The following SLC47A2 variants were observed in gnomAD, a reference collection of about 807,000 sequenced individuals.
The protein encoded by SLC47A2 is solute carrier family 47 member 2, also known as multidrug and toxin extrusion protein 2.
A neutral mutation model predicts 67.7 loss-of-function variants in SLC47A2; 52 were observed. That is an observed-to-expected ratio of 0.77 (90% confidence interval 0.61 to 0.97). The LOEUF is 0.97. Ranked by LOEUF, SLC47A2 falls within the 50% of genes least tolerant of loss-of-function variation. The pLI is 0.00. For missense variants in SLC47A2, 676 were observed against 712.3 expected, an observed-to-expected ratio of 0.95 and a Z score of 0.58; for synonymous variants, 278 against 292.9, an observed-to-expected ratio of 0.95 and a Z score of 0.52.
chr17:19,679,182 GTGA>G (rs1475872939), intron 16 of SLC47A2, among the ~76,000 whole-genome samples: 1 of 152,220 alleles, frequency 6.6e-6, no homozygotes, highest in Non-Finnish European at 1.5e-5. Flanking sequence ...GCTTGGCCCT[GTGA>G]TGATCTGTGG....
intron 13 of SLC47A2, among the ~76,000 whole-genome samples, chr17:19,698,807 C>T (rs911580336): frequency 4.6e-5 from 7 of 151,864 alleles, no homozygotes; most frequent in Non-Finnish European, 7.4e-5. Flanking sequence ...CTTCTGCATC[C>T]GTGGATGCAA....
At position 19,678,745 on chromosome 17, in the gene SLC47A2, C is replaced by T. The variant is rs1157523153; in HGVS notation, c.1642G>A (p.Ala548Thr). 3 of 1,613,760 alleles carry T rather than the reference C, an allele frequency of 1.9e-6. No individual in the cohort carries two copies. The highest frequency in any genetic ancestry group is 1.7e-5 in the Admixed American group (1 of 59,994). The change falls in exon 17 of 17, where the codon GCG becomes ACG. Residue 548 changes from alanine to threonine, a missense_variant. Coordinates refer to ENST00000433844, the MANE Select transcript of SLC47A2 (RefSeq NM_001099646.3). Reference sequence around the variant, plus strand: ...CCCACCATCAGTGTGGCTGACGCCGCCCCCAGAGCAGCCCCACGGCGGATG... The same window carrying T: ...CCCACCATCAGTGTGGCTGACGCCGTCCCCAGAGCAGCCCCACGGCGGATG... ...LVIRRGAALG[A>T]ASATLMVGLT...
At chr17:19,695,408 GC>G (rs1229130227) in intron 13 of SLC47A2, among the ~76,000 whole-genome samples, 2 of 149,008 alleles carry the variant, frequency 1.3e-5, no homozygotes, top group Non-Finnish European at 3.0e-5. Context: ...AATGGTCTGA[GC>G]CCAGGAGTTC....
At chr17:19,690,714 G>A (rs542560450) in intron 13 of SLC47A2, among the ~76,000 whole-genome samples, 23 of 152,232 alleles carry the variant, frequency 1.5e-4, no homozygotes, top group African/African-American at 4.8e-4. Flanking sequence ...ATCACTGATC[G>A]TTAGAGAAAT....
chr17:19,709,419 T>G (rs1361166445), intron 5 of SLC47A2, among the ~76,000 whole-genome samples: 1 of 152,178 alleles, frequency 6.6e-6, no homozygotes, highest in Non-Finnish European at 1.5e-5. Flanking sequence ...CATTCCTTCC[T>G]GTAGCTCTTC....
chr17:19,712,929 G>A (rs979220828), intron 4 of SLC47A2, among the ~76,000 whole-genome samples, 184 bp from the exon 5 acceptor site: 3 of 152,064 alleles, frequency 2.0e-5, no homozygotes, highest in Non-Finnish European at 2.9e-5. Flanking sequence ...AGGGGCAGCC[G>A]AAACACCCAA....
rs2085411016 is a variant in SLC47A2, at chr17:19,685,573, G to A, written c.1165-3903C>T. ...AAATGGATTAAGGGCGGTGCAAGAT[G>A]TGCTTTGTTAAACAGATGCTTGAAG... On this transcript the variant is annotated intron_variant, in intron 13 of 16. Coordinates refer to ENST00000433844, the MANE Select transcript of SLC47A2 (RefSeq NM_001099646.3). This position sits in a 1 kb window ranked among gnomAD's most constrained non-coding sequence, Gnocchi z 4.5. Among the ~76,000 whole-genome samples, 1 of 152,224 alleles carries A rather than the reference G, an allele frequency of 6.6e-6. No individual in the cohort carries two copies. Among genetic ancestry groups the A allele is most frequent in the South Asian group, 2.1e-4 (1 of 4,834 alleles).
chr17:19,696,164 G>A (rs1271441368), intron 13 of SLC47A2, among the ~76,000 whole-genome samples: 2 of 151,410 alleles, frequency 1.3e-5, no homozygotes, highest in African/African-American at 4.9e-5. Context: ...TTAAAAGAGG[G>A]AATTTGGGCC....
intron 16 of SLC47A2, among the ~76,000 whole-genome samples, 189 bp downstream of exon 16, chr17:19,679,763 T>C (rs185307000): frequency 6.6e-6 from 1 of 152,174 alleles, no homozygotes; most frequent in East Asian, 1.9e-4. Context: ...GCCTGGTACT[T>C]GCATGCCTGC....
chr17:19,715,076 G>C, intron 2 of SLC47A2, 40 bp downstream of exon 2: 1 of 1,592,876 alleles, frequency 6.3e-7, no homozygotes, highest in Non-Finnish European at 8.6e-7. Flanking sequence ...AGAAGCCTGG[G>C]GAGAGAACGT....
intron 8 of SLC47A2, 112 bp downstream of exon 8, chr17:19,707,634 C>A (rs2085976382): frequency 2.2e-6 from 2 of 905,336 alleles, no homozygotes; most frequent in Non-Finnish European, 1.7e-6. Context: ...GGGTCCTGCA[C>A]CTCCTCCAAC....
intron 3 of SLC47A2, 109 bp downstream of exon 3, chr17:19,714,612 T>C: frequency 7.6e-7 from 1 of 1,319,946 alleles, no homozygotes; most frequent in Non-Finnish European, 1.1e-6. Context: ...CAGGGCCCAT[T>C]GCTCCCAGAT....
At chr17:19,680,174 CT>C in intron 15 of SLC47A2, 135 bp from the exon 16 acceptor site, 1 of 816,206 alleles carries the variant, frequency 1.2e-6, no homozygotes, top group Non-Finnish European at 1.9e-6. Flanking sequence ...AGTCATGGGG[CT>C]TTTAGAAAGT....
In SLC47A2 at chr17:19,678,748, C is replaced by G; in HGVS notation, c.1639G>C (p.Gly547Arg). 1 of 1,614,014 alleles carries G rather than the reference C, an allele frequency of 6.2e-7. No individual in the cohort carries two copies. The highest frequency in any genetic ancestry group is 1.3e-5 in the African/African-American group (1 of 75,054). The stretch of plus-strand genomic sequence containing the variant: ...ACCATCAGTGTGGCTGACGCCGCCC[C>G]CAGAGCAGCCCCACGGCGGATGACC... ...QLVIRRGAAL[G>R]AASATLMVGL... Residue 547 changes from glycine (G) to arginine (R), a missense_variant, in exon 17 of 17, where the codon GGG becomes CGG. By Grantham distance (125) the Gly-to-Arg change is moderately radical (BLOSUM62 -2). Transcript: ENST00000433844.
In SLC47A2 at chr17:19,678,675, A is replaced by G. The variant is rs755862988; in HGVS notation, c.*11T>C. On this transcript the variant is annotated 3_prime_UTR_variant, in exon 17 of 17. Coordinates refer to ENST00000433844, the MANE Select transcript of SLC47A2 (RefSeq NM_001099646.3). ...CAGCCACTCCTGGCTTTCTATTTCCAAGCTTCTTTGCTAGTGCCTGGTGGC... is the reference window on the plus strand; with the variant it reads ...CAGCCACTCCTGGCTTTCTATTTCCGAGCTTCTTTGCTAGTGCCTGGTGGC... The G allele has an allele frequency of 1.2e-4, 186 of 1,610,822 alleles. No homozygotes were observed. Among genetic ancestry groups the G allele is most frequent in the Non-Finnish European group, 1.2e-4 (137 of 1,178,842 alleles).
intron 7 of SLC47A2, 67 bp from the exon 8 acceptor site, chr17:19,707,910 G>C: frequency 6.9e-7 from 1 of 1,457,916 alleles, no homozygotes; most frequent in South Asian, 1.2e-5. Flanking sequence ...GCCTGAGAGA[G>C]AGGTGGCTCT....
chr17:19,704,822 C>CT (rs6146013), intron 10 of SLC47A2: 49,920 of 272,384 alleles, frequency 0.18, 3,645 homozygotes, highest in East Asian at 0.24. Context: ...ATGGAATGTG[C>CT]TTTTTTTTTT....
At chr17:19,682,326 TGG>T (rs1567614665) in intron 13 of SLC47A2, among the ~76,000 whole-genome samples, 2 of 123,778 alleles carry the variant, frequency 1.6e-5, no homozygotes, top group African/African-American at 6.0e-5. Flanking sequence ...GAGCGAGACT[TGG>T]TCACACACAC....
At chr17:19,704,657 G>T in intron 10 of SLC47A2, 1 of 1,549,440 alleles carries the variant, frequency 6.5e-7, no homozygotes, top group Non-Finnish European at 8.7e-7. Flanking sequence ...GCGTACCCGA[G>T]TGACATGGGC....
Sources: gnomAD v4.1 joint callset for allele counts (sites outside exome capture counted in the v4.1 genomes callset) on GRCh38, gnomAD v4.1.1 for gene constraint, Gnocchi (gnomAD v3.1) non-coding constraint, MANE v1.5 for transcripts, NCBI Gene and HGNC (gene_info 2026-07-23, HGNC 2026-07-21) for gene names.